KIF26B: variants seen among roughly 807,000 people sequenced by gnomAD.
KIF26B encodes kinesin-like protein KIF26B.
In KIF26B, 63 loss-of-function variants were observed where a neutral mutation model predicts 151.2. The ratio of observed to expected loss-of-function variants is 0.42; its 90% CI spans 0.34 to 0.51. The LOEUF is 0.51. KIF26B is among the 20% of genes least tolerant of loss of function. KIF26B has a pLI of 0.07. For synonymous variants in KIF26B, 1,357 were observed against 1,262.1 expected (o/e 1.08, Z -1.59); for missense variants, 2,813 against 2,913.6 (o/e 0.97, Z 0.79).
chr1:245,273,036 G>A (rs991877701), intron 2 of KIF26B, among the ~76,000 whole-genome samples: 6 of 151,938 alleles, frequency 3.9e-5, no homozygotes, highest in African/African-American at 7.3e-5. Context: ...TGGGTCCCTC[G>A]ATCTGTAGTG....
At chr1:245,261,504 C>CTCTCTCTCTCT (rs1558366108) in intron 2 of KIF26B, among the ~76,000 whole-genome samples, 1 of 98,018 alleles carries the variant, frequency 1.0e-5, no homozygotes, top group African/African-American at 4.4e-5. Context: ...TCTCTCTCTC[C>CTCTCTCTCTCT]CTCCCTCCCT....
intron 4 of KIF26B, among the ~76,000 whole-genome samples, chr1:245,465,150 T>TC (rs1464782700): frequency 6.7e-6 from 1 of 150,368 alleles, no homozygotes; most frequent in African/African-American, 2.5e-5. Flanking sequence ...GGCTAATTTT[T>TC]TGTATTTTTA....
At chr1:245,644,342 CT>C (rs2043923697) in intron 9 of KIF26B, among the ~76,000 whole-genome samples, 2 of 151,942 alleles carry the variant, frequency 1.3e-5, no homozygotes, top group Admixed American at 6.6e-5. Context: ...AGTTTTGTGT[CT>C]TTTTAAATAT....
intron 2 of KIF26B, among the ~76,000 whole-genome samples, chr1:245,196,885 G>A (rs568102109): frequency 6.6e-6 from 1 of 152,124 alleles, no homozygotes; most frequent in Non-Finnish European, 1.5e-5. Flanking sequence ...GTGTGCTGTA[G>A]CTATTTATTT....
At chr1:245,547,480 G>A (rs1181887296) in intron 5 of KIF26B, among the ~76,000 whole-genome samples, 1 of 151,282 alleles carries the variant, frequency 6.6e-6, no homozygotes, top group African/African-American at 2.4e-5. Context: ...CAGCTACTCA[G>A]GAGGCTGAGG....
chr1:245,607,066 C>CA (rs35411674), intron 6 of KIF26B, among the ~76,000 whole-genome samples: 13,784 of 72,170 alleles, frequency 0.19, 1,452 homozygotes, highest in East Asian at 0.38. Flanking sequence ...AACTCCGTCT[C>CA]AAAAAAAAAA....
In KIF26B at chr1:245,612,928, C is replaced by A. The variant is rs187893701; in HGVS notation, c.2098+952C>A. On this transcript the variant is annotated intron_variant, in intron 9 of 14. Coordinates refer to ENST00000407071, the MANE Select transcript of KIF26B (RefSeq NM_018012.4). The stretch of plus-strand genomic sequence containing the variant: ...GCCCGGGCTGGGGTGCAATTCTCTG[C>A]CTTCTGTGAAGTAGTGTTTACTCTA... Among the ~76,000 whole-genome samples the A allele has an allele frequency of 1.5e-3, 235 of 152,234 alleles. 3 individuals are homozygous for A. The highest frequency in any genetic ancestry group is 5.4e-3 in the African/African-American group (226 of 41,532).
chr1:245,432,152 G>C (rs183486972), intron 4 of KIF26B, among the ~76,000 whole-genome samples: 2 of 152,206 alleles, frequency 1.3e-5, no homozygotes, highest in Admixed American at 1.3e-4. Context: ...TGCTACATTA[G>C]GAATATTTGC....
chr1:245,478,458 T>G (rs370583887), intron 4 of KIF26B, among the ~76,000 whole-genome samples: 2 of 133,042 alleles, frequency 1.5e-5, no homozygotes, highest in African/African-American at 2.8e-5. Context: ...GACGGAGTCT[T>G]GCTCTGTCGC....
At chr1:245,228,408 A>T (rs1325756477) in intron 2 of KIF26B, among the ~76,000 whole-genome samples, 1 of 152,044 alleles carries the variant, frequency 6.6e-6, no homozygotes. Context: ...CTCTACTAAA[A>T]ATACAAAGTT....
chr1:245,644,257 T>C (rs745517624), intron 9 of KIF26B, among the ~76,000 whole-genome samples: 7 of 152,190 alleles, frequency 4.6e-5, no homozygotes, highest in Non-Finnish European at 8.8e-5. Context: ...CATTCTGCAA[T>C]ATCTAATCTG....
At chr1:245,553,492 T>G (rs1367064078) in intron 5 of KIF26B, among the ~76,000 whole-genome samples, 1 of 152,204 alleles carries the variant, frequency 6.6e-6, no homozygotes, top group Non-Finnish European at 1.5e-5. Context: ...TCCCTCATCA[T>G]CTCAGATAGC....
intron 2 of KIF26B, among the ~76,000 whole-genome samples, chr1:245,184,420 C>T (rs932074171): frequency 6.6e-6 from 1 of 152,014 alleles, no homozygotes; most frequent in Non-Finnish European, 1.5e-5. Flanking sequence ...AGACTCTGGC[C>T]TTGGCGTTTG....
intron 5 of KIF26B, among the ~76,000 whole-genome samples, chr1:245,547,479 A>G (rs2681675): frequency 0.75 from 113,857 of 151,222 alleles, 43,027 homozygotes; most frequent in East Asian, 0.79. Context: ...CCAGCTACTC[A>G]GGAGGCTGAG....
chr1:245,536,497 G>T (rs1038787622), intron 4 of KIF26B, among the ~76,000 whole-genome samples: 6 of 152,228 alleles, frequency 3.9e-5, no homozygotes, highest in African/African-American at 1.4e-4. Flanking sequence ...GATAATAGGT[G>T]TCATGGTTGT....
intron 5 of KIF26B, among the ~76,000 whole-genome samples, chr1:245,579,587 A>C (rs1378206005): frequency 1.3e-5 from 2 of 152,200 alleles, no homozygotes; most frequent in African/African-American, 4.8e-5. Flanking sequence ...AGGCGGGTGG[A>C]TCACCTGAGG....
intron 2 of KIF26B, among the ~76,000 whole-genome samples, chr1:245,194,330 T>G (rs1446562689): frequency 6.6e-6 from 1 of 152,178 alleles, no homozygotes; most frequent in Non-Finnish European, 1.5e-5. Context: ...GCACGGTGCA[T>G]GGGGTTAGAG....
At chr1:245,217,661 C>T (rs967383845) in intron 2 of KIF26B, among the ~76,000 whole-genome samples, 2 of 152,130 alleles carry the variant, frequency 1.3e-5, no homozygotes, top group Non-Finnish European at 2.9e-5. Context: ...TGAGCCACTG[C>T]GCCCGGTCGA....
At chr1:245,335,216 G>C (rs1043546511) in intron 2 of KIF26B, among the ~76,000 whole-genome samples, 1 of 152,180 alleles carries the variant, frequency 6.6e-6, no homozygotes, top group Non-Finnish European at 1.5e-5. Flanking sequence ...ACGGACCCCA[G>C]ATGGGCCCTG....
Sources: allele counts gnomAD v4.1 joint callset (sites outside exome capture counted in the v4.1 genomes callset), GRCh38; gene constraint gnomAD v4.1.1; transcripts MANE v1.5; gene names NCBI Gene and HGNC (gene_info 2026-07-23, HGNC 2026-07-21).